The following VPS13A variants were observed in gnomAD, a reference collection of about 807,000 sequenced individuals.
VPS13A encodes the protein vacuolar protein sorting 13 homolog A.
Under a neutral mutation model 390.9 loss-of-function variants are expected in VPS13A, and 264 were observed. That is an observed-to-expected ratio of 0.68 (90% CI 0.61 to 0.75). VPS13A has a LOEUF of 0.75. VPS13A is among the 30% of genes least tolerant of loss of function. The pLI, the probability that VPS13A is intolerant of heterozygous loss-of-function variation, is 0.00. For synonymous variants in VPS13A, 1,231 were observed against 1,227.1 expected (o/e 1.00, Z -0.07); for missense variants, 3,409 against 3,733.9 (o/e 0.91, Z 2.27).
At chr9:77,349,492 G>C (rs1239004134) in intron 52 of VPS13A, among the ~76,000 whole-genome samples, 1 of 152,038 alleles carries the variant, frequency 6.6e-6, no homozygotes, top group African/African-American at 2.4e-5. Context: ...GATGTCAGTT[G>C]TTCCTTCTTT....
At position 77,384,511 on chromosome 9, in the gene VPS13A, T is replaced by C. The variant is rs910627638; in HGVS notation, c.9189+2424T>C. The C allele has an allele frequency of 8.2e-6, 13 of 1,589,290 alleles. No homozygotes were observed. The African/African-American group carries it at 1.6e-4, about 20-fold the overall frequency. On this transcript the variant is annotated intron_variant, in intron 68 of 71. Transcript: ENST00000360280. ...TTCTCACTCTTTGAACATTTCATAA[T>C]CTTACATGTTTTCAAGCAATTTGCC...
At chr9:77,328,521 A>G (rs1014417891) in intron 45 of VPS13A, among the ~76,000 whole-genome samples, 1 of 152,188 alleles carries the variant, frequency 6.6e-6, no homozygotes, top group South Asian at 2.1e-4. Context: ...CCTAAATGTC[A>G]TCTTCTTGCA....
rs753973957 is a variant in VPS13A at position 77,321,638 on chromosome 9, G to A, written c.5722G>A (p.Val1908Ile). ...CAACATTCCTATGGCAAAATCATAT[G>A]TATTGAAAAATGGAGAAAGTTTAAG... ...VLNIPMAKSY[V>I]LKNGESLSMD... The change falls in exon 44 of 72, where the codon GTA (valine) becomes ATA (isoleucine). Residue 1908 changes from valine to isoleucine, a missense_variant. Around this residue, in one of 5 missense-constraint regions of VPS13A, gnomAD observed 2,717 missense variants for 2,917.4 expected, o/e 0.93. Coordinates refer to ENST00000360280, the MANE Select transcript of VPS13A (RefSeq NM_033305.3). The A allele has an allele frequency of 1.2e-6, 2 of 1,613,334 alleles. No homozygotes were observed. The highest frequency in any genetic ancestry group is 1.7e-6 in the Non-Finnish European group (2 of 1,179,556).
chr9:77,352,074 TAGAG>T (rs762679618), intron 53 of VPS13A, among the ~76,000 whole-genome samples: 24 of 152,230 alleles, frequency 1.6e-4, no homozygotes, highest in East Asian at 9.6e-4. Context: ...AAGTTGTGTT[TAGAG>T]AAGTGCTTTC....
At chr9:77,407,695 T>G (rs924210337) in intron 71 of VPS13A, 88 bp downstream of exon 71, 1 of 1,032,372 alleles carries the variant, frequency 9.7e-7, no homozygotes. Flanking sequence ...ATAAGTTTTG[T>G]TTGGGGGTTT....
intron 68 of VPS13A, among the ~76,000 whole-genome samples, chr9:77,383,977 T>TCTC (rs77588326): frequency 1.3e-5 from 2 of 148,716 alleles, no homozygotes; most frequent in Admixed American, 6.7e-5. Context: ...TTTTTTTTTT[T>TCTC]TAATCAAAGC....
chr9:77,399,167 T>TAAAAAATAAAAAATAAA (rs1834246430), intron 68 of VPS13A, among the ~76,000 whole-genome samples: 1 of 86,124 alleles, frequency 1.2e-5, no homozygotes, highest in East Asian at 3.2e-4. Flanking sequence ...TAGAGTATAA[T>TAAAAAATAAAAAATAAA]AAAAAAAAAA....
At chr9:77,177,909 G>GAGCAA in intron 1 of VPS13A, 105 bp downstream of exon 1, 1 of 1,060,684 alleles carries the variant, frequency 9.4e-7, no homozygotes, top group Non-Finnish European at 1.4e-6. Context: ...CTTGCTCGCC[G>GAGCAA]GGTGCAGCCA....
At chr9:77,224,956 G>A (rs945182418) in intron 13 of VPS13A, among the ~76,000 whole-genome samples, 1 of 152,170 alleles carries the variant, frequency 6.6e-6, no homozygotes, top group African/African-American at 2.4e-5. Flanking sequence ...TCAACATCGA[G>A]GCAAGATCCT....
At chr9:77,392,707 TAAAA>T (rs1206954196) in intron 68 of VPS13A, among the ~76,000 whole-genome samples, 1 of 150,920 alleles carries the variant, frequency 6.6e-6, no homozygotes, top group Non-Finnish European at 1.5e-5. Context: ...ATCACGTCGT[TAAAA>T]AACTATATAT....
intron 33 of VPS13A, among the ~76,000 whole-genome samples, chr9:77,300,279 TATTGATG>T (rs1828267404): frequency 6.6e-6 from 1 of 152,198 alleles, no homozygotes; most frequent in Non-Finnish European, 1.5e-5. Context: ...AATAACACTA[TATTGATG>T]ATTGATATCT....
chr9:77,257,395 C>G lies in VPS13A; in HGVS notation c.2289-2691C>G, dbSNP rs574392455. Among the ~76,000 whole-genome samples, 29 of 152,138 alleles carry G rather than the reference C, an allele frequency of 1.9e-4. 1 individual carries two copies. In the South Asian group the frequency reaches 6.0e-3, roughly 32 times the overall value. On this transcript the variant is annotated intron_variant, in intron 22 of 71. Coordinates refer to ENST00000360280, the MANE Select transcript of VPS13A (RefSeq NM_033305.3). ...GACTACAGGCACACGTCACTACACTCAGCTAATTTTTAAATTTTTTTGTAG... is the reference window on the plus strand; with the variant it reads ...GACTACAGGCACACGTCACTACACTGAGCTAATTTTTAAATTTTTTTGTAG...
chr9:77,220,878 T>C (rs1196013209), intron 12 of VPS13A, among the ~76,000 whole-genome samples: 1 of 152,140 alleles, frequency 6.6e-6, no homozygotes, highest in African/African-American at 2.4e-5. Context: ...CTCTTTCAGT[T>C]GACTATTTCA....
chr9:77,266,448 TAAG>T (rs1376147347), intron 23 of VPS13A, among the ~76,000 whole-genome samples: 1 of 151,944 alleles, frequency 6.6e-6, no homozygotes, highest in Non-Finnish European at 1.5e-5. Context: ...GTAGGTCTCT[TAAG>T]AACTTGCTTT....
intron 71 of VPS13A, among the ~76,000 whole-genome samples, chr9:77,413,237 A>T (rs967651868): frequency 6.6e-6 from 1 of 152,180 alleles, no homozygotes; most frequent in African/African-American, 2.4e-5. Context: ...CAGAATTGGA[A>T]AAAACTAAAG....
rs776175336 is a variant in VPS13A, at chr9:77,415,940, T to G, written c.9475-16T>G. The G allele has an allele frequency of 1.2e-6, 2 of 1,612,902 alleles. No individual in the cohort carries two copies. Among genetic ancestry groups the G allele is most frequent in the African/African-American group, 2.7e-5 (2 of 74,882 alleles). ...TCACTGAAGTAAGCAAATGTTCATT[T>G]ATTTTCCCACCGCAGTGGATCCTCA... On this transcript the variant is annotated splice_polypyrimidine_tract_variant and intron_variant, in intron 71 of 71. Transcript: ENST00000360280.
At chr9:77,228,351 A>G in intron 17 of VPS13A, 87 bp downstream of exon 17, 1 of 1,326,398 alleles carries the variant, frequency 7.5e-7, no homozygotes, top group Non-Finnish European at 1.0e-6. Flanking sequence ...GTCTTTTGTA[A>G]AGAGCACTAT....
intron 68 of VPS13A, among the ~76,000 whole-genome samples, chr9:77,392,552 A>G (rs140268197): frequency 2.0e-5 from 3 of 152,124 alleles, no homozygotes; most frequent in African/African-American, 7.2e-5. Context: ...GAGGTAATGT[A>G]TGTACAGCCA....
rs41289967 is a variant in VPS13A at position 77,316,185 on chromosome 9, G to A, written c.4642G>A (p.Glu1548Lys). The A allele has an allele frequency of 2.5e-3, 4,007 of 1,608,202 alleles. 14 individuals are homozygous for A. The highest frequency in any genetic ancestry group is 6.3e-3 in the Middle Eastern group (38 of 6,028). Residue 1548 changes from glutamate to lysine, a missense_variant, in exon 39 of 72, where the codon GAA (glutamate) becomes AAA (lysine). Around this residue, in one of 5 missense-constraint regions of VPS13A, gnomAD observed 2,717 missense variants for 2,917.4 expected, o/e 0.93. Coordinates refer to ENST00000360280, the MANE Select transcript of VPS13A (RefSeq NM_033305.3). ...WTAKEEVPTQ[E>K]SVKWEINVII... The stretch of plus-strand genomic sequence containing the variant: ...TTTATTTGTTTTAGTACCTACACAG[G>A]AATCAGTGAAGTGGGAAATTAATGT...
Sources: allele counts gnomAD v4.1 joint callset (sites outside exome capture counted in the v4.1 genomes callset), GRCh38; gene constraint gnomAD v4.1.1; regional missense constraint gnomAD v4.1.1; transcripts MANE v1.5; gene names NCBI Gene and HGNC (gene_info 2026-07-23, HGNC 2026-07-21).